WDPCP: variants seen among roughly 807,000 people sequenced by gnomAD.
The protein encoded by WDPCP is WD repeat containing planar cell polarity effector.
WDPCP carries 71 observed loss-of-function variants against 93.1 expected under a neutral mutation model. The observed-to-expected ratio is 0.76, with a 90% CI of 0.63 to 0.93. WDPCP has a LOEUF of 0.93. Ranked by LOEUF, WDPCP falls within the 40% of genes least tolerant of loss-of-function variation. The pLI is 0.00. For synonymous variants in WDPCP, 315 were observed against 315.0 expected, an observed-to-expected ratio of 1.00 and a Z score of 0.00; for missense variants, 844 against 887.4, an observed-to-expected ratio of 0.95 and a Z score of 0.62.
At chr2:63,252,013 T>C (rs1261248257) in intron 14 of WDPCP, among the ~76,000 whole-genome samples, 1 of 152,068 alleles carries the variant, frequency 6.6e-6, no homozygotes, top group Non-Finnish European at 1.5e-5. Context: ...ATATGCCTGA[T>C]GAACATAAAT....
chr2:63,705,042 G>C lies in WDPCP; in HGVS notation n.309-54204C>G, dbSNP rs370942374. Among the ~76,000 whole-genome samples the C allele has an allele frequency of 5.8e-4, 88 of 152,276 alleles. 1 individual carries two copies. In the South Asian group the frequency reaches 0.016, roughly 28 times the overall value. On this transcript the variant is annotated intron_variant and non_coding_transcript_variant, in intron 2 of 4. Transcript: ENST00000467687. ...TTAGTCTTGGGAGGGTGTATGTGTT[G>C]AGGAATTTATCCATTTCTTCTAGAT...
At chr2:63,467,383 G>A (rs910918169) in intron 6 of WDPCP, among the ~76,000 whole-genome samples, 5 of 151,966 alleles carry the variant, frequency 3.3e-5, no homozygotes, top group Non-Finnish European at 5.9e-5. Flanking sequence ...AGGAGGCTGA[G>A]GCAGGAGAAT....
intron 2 of WDPCP, among the ~76,000 whole-genome samples, chr2:63,681,760 A>G (rs1189245456): frequency 1.3e-5 from 2 of 152,176 alleles, no homozygotes; most frequent in East Asian, 1.9e-4. Flanking sequence ...TTCTAGTCTG[A>G]CCAAGCACAG....
At chr2:63,821,368 CA>C (rs778823491) in intron 1 of WDPCP, among the ~76,000 whole-genome samples, 4 of 152,118 alleles carry the variant, frequency 2.6e-5, no homozygotes, top group African/African-American at 4.8e-5. Context: ...AGAATAAGTG[CA>C]AAAGCACTGA....
intron 14 of WDPCP, among the ~76,000 whole-genome samples, chr2:63,221,909 T>C (rs1677866178): frequency 6.6e-6 from 1 of 152,162 alleles, no homozygotes; most frequent in African/African-American, 2.4e-5. Context: ...AAATGGGTGA[T>C]GAAATAACCT....
At chr2:63,179,381 G>C (rs1674066846) in intron 14 of WDPCP, among the ~76,000 whole-genome samples, 1 of 151,690 alleles carries the variant, frequency 6.6e-6, no homozygotes, top group African/African-American at 2.4e-5. Flanking sequence ...GGATTATGGG[G>C]GCAGATTTCT....
At chr2:63,129,277 T>C (rs1374941143) in intron 17 of WDPCP, among the ~76,000 whole-genome samples, 1 of 152,238 alleles carries the variant, frequency 6.6e-6, no homozygotes, top group Non-Finnish European at 1.5e-5. Context: ...TGCTTTCAAT[T>C]CTTTGGGGTG....
intron 1 of WDPCP, among the ~76,000 whole-genome samples, chr2:63,562,966 T>C (rs1206108297): frequency 2.6e-5 from 4 of 152,142 alleles, no homozygotes; most frequent in Non-Finnish European, 4.4e-5. Flanking sequence ...TGGACACTAG[T>C]GTGCTCACTG....
chr2:63,292,132 CAAAAA>C (rs58370764), intron 13 of WDPCP, among the ~76,000 whole-genome samples: 1 of 83,384 alleles, frequency 1.2e-5, no homozygotes. Flanking sequence ...GACTCCGGCT[CAAAAA>C]AAAAAAAAAA....
At chr2:63,827,597 C>T (rs889475291) in intron 1 of WDPCP, 3 of 152,018 alleles carry the variant, frequency 2.0e-5, no homozygotes, top group East Asian at 1.9e-4. Flanking sequence ...ATGGCCTAAA[C>T]GAATAAAAAA....
intron 4 of WDPCP, among the ~76,000 whole-genome samples, chr2:63,485,822 T>C (rs889881997): frequency 6.6e-6 from 1 of 151,816 alleles, no homozygotes; most frequent in South Asian, 2.1e-4. Flanking sequence ...TATGTACATA[T>C]ACATATACAT....
intron 17 of WDPCP, 97 bp from the exon 18 acceptor site, chr2:63,122,153 A>G (rs1249339536): frequency 1.0e-6 from 1 of 992,940 alleles, no homozygotes; most frequent in Admixed American, 2.0e-5. Flanking sequence ...AAAAATAGTG[A>G]AACAAAATAA....
chr2:63,621,525 T>A (rs1709737771), intron 3 of WDPCP, among the ~76,000 whole-genome samples: 1 of 152,032 alleles, frequency 6.6e-6, no homozygotes, highest in South Asian at 2.1e-4. Context: ...CGGGACTATG[T>A]AAAATGACTA....
intron 6 of WDPCP, chr2:63,442,903 G>T (rs1322067647): frequency 1.3e-5 from 2 of 152,254 alleles, no homozygotes; most frequent in East Asian, 3.9e-4. Flanking sequence ...GCCTGTGAGA[G>T]TAAGTAAATG....
At chr2:63,325,728 C>T (rs1045696109) in intron 12 of WDPCP, among the ~76,000 whole-genome samples, 13 of 152,180 alleles carry the variant, frequency 8.5e-5, no homozygotes, top group Non-Finnish European at 1.6e-4. Flanking sequence ...TTAGCCAAAG[C>T]TGGAGCTATT....
intron 14 of WDPCP, among the ~76,000 whole-genome samples, chr2:63,204,200 C>G (rs1676145943): frequency 6.6e-6 from 1 of 151,932 alleles, no homozygotes; most frequent in Non-Finnish European, 1.5e-5. Flanking sequence ...TCTCCACATC[C>G]TCACCAGCTT....
At chr2:63,596,579 A>T (rs1187207956) in intron 3 of WDPCP, among the ~76,000 whole-genome samples, 10 of 152,200 alleles carry the variant, frequency 6.6e-5, no homozygotes, top group African/African-American at 2.4e-4. Flanking sequence ...GCAAATAAGG[A>T]CATGTGACTG....
chr2:63,295,741 A>G (rs191089460), intron 13 of WDPCP, among the ~76,000 whole-genome samples: 22 of 150,482 alleles, frequency 1.5e-4, no homozygotes, highest in Admixed American at 1.1e-3. Flanking sequence ...AGACCAATAA[A>G]GAGTACTGAA....
intron 9 of WDPCP, among the ~76,000 whole-genome samples, chr2:63,408,864 A>AC (rs1694804580): frequency 6.6e-6 from 1 of 151,296 alleles, no homozygotes; most frequent in Non-Finnish European, 1.5e-5. Context: ...TGGGAATGTC[A>AC]CCCCCATCCC....
Sources: gnomAD v4.1 joint callset for allele counts (sites outside exome capture counted in the v4.1 genomes callset) on GRCh38, gnomAD v4.1.1 for gene constraint, MANE v1.5 for transcripts, NCBI Gene and HGNC (gene_info 2026-07-23, HGNC 2026-07-21) for gene names.